The following WWOX variants were observed in gnomAD, a reference collection of about 807,000 sequenced individuals.
WWOX encodes WW domain-containing oxidoreductase.
In WWOX, 69 loss-of-function variants were observed where a neutral mutation model predicts 46.2. That is an observed-to-expected ratio of 1.49 (90% CI 1.23 to 1.82). The LOEUF is 1.82. Among genes scored for constraint, WWOX ranks in the 40% most tolerant of loss-of-function variants. The pLI, the probability that WWOX is intolerant of heterozygous loss-of-function variation, is 0.00. For missense variants in WWOX, 919 were observed against 542.6 expected (o/e 1.69, Z -6.89); for synonymous variants, 359 against 202.6 (o/e 1.77, Z -6.56).
intron 6 of WWOX, among the ~76,000 whole-genome samples, chr16:78,422,199 G>C (rs970642147): frequency 6.6e-6 from 1 of 151,980 alleles, no homozygotes; most frequent in Admixed American, 6.6e-5. Context: ...TAAAAATATG[G>C]GGCTTCTATA....
At chr16:79,180,762 CATCCATCCATTCATCAATCCATTT>C (rs1251364562) in intron 8 of WWOX, among the ~76,000 whole-genome samples, 6 of 152,068 alleles carry the variant, frequency 3.9e-5, no homozygotes, top group Admixed American at 2.6e-4. Flanking sequence ...TCTATCCATC[CATCCATCCATTCATCAATCCATTT>C]ATCCACTCTG....
chr16:78,871,006 C>A (rs1369072823), intron 8 of WWOX, among the ~76,000 whole-genome samples: 1 of 152,170 alleles, frequency 6.6e-6, no homozygotes, highest in East Asian at 1.9e-4. Context: ...ATAGACTCTG[C>A]TTATGGTTAA....
chr16:79,045,212 G>A (rs902994573), intron 8 of WWOX, among the ~76,000 whole-genome samples: 1 of 152,204 alleles, frequency 6.6e-6, no homozygotes, highest in African/African-American at 2.4e-5. Context: ...AAGTTCTTAT[G>A]TGGTGGATGT....
chr16:78,848,183 T>C (rs2052348968), intron 8 of WWOX, among the ~76,000 whole-genome samples: 1 of 152,202 alleles, frequency 6.6e-6, no homozygotes, highest in African/African-American at 2.4e-5. Flanking sequence ...AGGGGTTTAA[T>C]ATCCAGCAAA....
chr16:78,270,975 C>T (rs1040436258), intron 5 of WWOX, among the ~76,000 whole-genome samples: 3 of 152,168 alleles, frequency 2.0e-5, no homozygotes, highest in Non-Finnish European at 4.4e-5. Flanking sequence ...TGAAAGGCCT[C>T]ATCTTACAAA....
rs7189226 is a variant in WWOX, at chr16:78,208,055, C to T, written c.516+43766C>T. 6.0e-3 allele frequency among the ~76,000 whole-genome samples: 913 copies of T among 152,306 alleles called. 8 individuals carry two copies. Among genetic ancestry groups the T allele is most frequent in the African/African-American group, 0.02 (831 of 41,566 alleles). Reference sequence around the variant, plus strand: ...CTCGGACTCCTGACCTCAGGTCATCCGCCCGCCTTGGCTTCCCAAAATGCT... The same window carrying T: ...CTCGGACTCCTGACCTCAGGTCATCTGCCCGCCTTGGCTTCCCAAAATGCT... On this transcript the variant is annotated intron_variant, in intron 5 of 8. Coordinates refer to ENST00000566780, the MANE Select transcript of WWOX (RefSeq NM_016373.4).
intron 5 of WWOX, among the ~76,000 whole-genome samples, chr16:78,193,819 TTTA>T (rs144894203): frequency 0.15 from 22,395 of 149,900 alleles, 1,729 homozygotes; most frequent in Middle Eastern, 0.16. Context: ...TTAATTTTTA[TTTA>T]TTATTATTAT....
In WWOX at chr16:79,000,190, G is replaced by A. The variant is rs1344353699; in HGVS notation, c.1057-211418G>A. Reference sequence around the variant, plus strand: ...CCCCTTCACTGGGCTCCGAAGCTGCGTTCACACGGCACGTCATTGGCAGCT... The same window carrying A: ...CCCCTTCACTGGGCTCCGAAGCTGCATTCACACGGCACGTCATTGGCAGCT... On this transcript the variant is annotated intron_variant, in intron 8 of 8. Transcript: ENST00000566780. Among the ~76,000 whole-genome samples the A allele has an allele frequency of 3.9e-5, 6 of 152,192 alleles. No individual in the cohort carries two copies. The South Asian group carries it at 6.2e-4, about 16-fold the overall frequency.
intron 8 of WWOX, among the ~76,000 whole-genome samples, chr16:78,805,529 C>T (rs11863631): frequency 0.014 from 2,119 of 152,094 alleles, 39 homozygotes; most frequent in African/African-American, 0.048. Flanking sequence ...GTGATCCGCC[C>T]GCCTCAGCCT....
intron 8 of WWOX, among the ~76,000 whole-genome samples, chr16:78,644,695 T>G (rs2046799134): frequency 6.6e-6 from 1 of 152,206 alleles, no homozygotes; most frequent in Non-Finnish European, 1.5e-5. Context: ...ACTCCTGAAC[T>G]CAAGTGATCT....
At chr16:78,300,591 C>T (rs2080022974) in intron 5 of WWOX, among the ~76,000 whole-genome samples, 1 of 151,848 alleles carries the variant, frequency 6.6e-6, no homozygotes, top group African/African-American at 2.4e-5. Context: ...TCTGACATCT[C>T]CAAATAGTTT....
At chr16:78,906,108 G>C (rs999757595) in intron 8 of WWOX, among the ~76,000 whole-genome samples, 2 of 152,210 alleles carry the variant, frequency 1.3e-5, no homozygotes, top group African/African-American at 4.8e-5. Flanking sequence ...AAACTGAGGA[G>C]TCTGAGGGGA....
chr16:79,073,256 TGC>T (rs2048586340), intron 8 of WWOX, among the ~76,000 whole-genome samples: 1 of 151,844 alleles, frequency 6.6e-6, no homozygotes, highest in African/African-American at 2.4e-5. Flanking sequence ...CGCAGCTCAC[TGC>T]GACCTCCACC....
At chr16:79,016,994 C>G (rs867610029) in intron 8 of WWOX, 1 of 152,216 alleles carries the variant, frequency 6.6e-6, no homozygotes, top group African/African-American at 2.4e-5. Flanking sequence ...GCCACTGCCC[C>G]TGCCCTAGAT....
At chr16:78,320,271 T>C (rs998220584) in intron 5 of WWOX, among the ~76,000 whole-genome samples, 2 of 152,204 alleles carry the variant, frequency 1.3e-5, no homozygotes, top group African/African-American at 4.8e-5. Flanking sequence ...ACAAGCATTA[T>C]AAGCAATTTT....
At chr16:78,820,988 C>T (rs988239005) in intron 8 of WWOX, among the ~76,000 whole-genome samples, 1 of 152,098 alleles carries the variant, frequency 6.6e-6, no homozygotes, top group Non-Finnish European at 1.5e-5. Context: ...GACTTAGGAC[C>T]CACCTAATTG....
chr16:78,716,151 G>A (rs140501775), intron 8 of WWOX, among the ~76,000 whole-genome samples: 34 of 152,196 alleles, frequency 2.2e-4, no homozygotes, highest in African/African-American at 6.3e-4. Flanking sequence ...GGAATTTTGG[G>A]CACAGAGACA....
chr16:78,586,182 C>A (rs893708518), intron 8 of WWOX, among the ~76,000 whole-genome samples: 1 of 152,054 alleles, frequency 6.6e-6, no homozygotes, highest in African/African-American at 2.4e-5. Context: ...CATAGCGAGA[C>A]CCTGTTTCTT....
intron 8 of WWOX, among the ~76,000 whole-genome samples, chr16:78,784,017 G>A (rs2050395433): frequency 6.6e-6 from 1 of 152,100 alleles, no homozygotes; most frequent in Non-Finnish European, 1.5e-5. Context: ...GGATGATGTT[G>A]ATGTTGATGA....
Sources: allele counts gnomAD v4.1 joint callset (sites outside exome capture counted in the v4.1 genomes callset), GRCh38; gene constraint gnomAD v4.1.1; transcripts MANE v1.5; gene names NCBI Gene and HGNC (gene_info 2026-07-23, HGNC 2026-07-21).